Variants in WDFY4 observed in about 807,000 individuals in gnomAD.
The protein encoded by WDFY4 is WDFY family member 4.
A neutral mutation model predicts 351.9 loss-of-function variants in WDFY4; 169 were observed. That is an observed-to-expected ratio of 0.48 (90% CI 0.42 to 0.55). WDFY4 has a LOEUF of 0.55. Ranked by LOEUF, WDFY4 falls within the 20% of genes least tolerant of loss-of-function variation. WDFY4 has a pLI of 0.00. For missense variants in WDFY4, 3,803 were observed against 3,935.6 expected (o/e 0.97, Z 0.90); for synonymous variants, 1,622 against 1,574.6 (o/e 1.03, Z -0.71).
Position 48,873,488 on chromosome 10 carries a change from C to T in WDFY4, c.6742-3C>T. On this transcript the variant is annotated splice_polypyrimidine_tract_variant and splice_region_variant and intron_variant, in intron 40 of 61. Coordinates refer to ENST00000325239, the MANE Select transcript of WDFY4 (RefSeq NM_001394531.1). ...CCAGGGTGACTCTGTTTCTGCTCCCCAGAGGCGAAAATGTGGCAACATCAA... is the reference window on the plus strand; with the variant it reads ...CCAGGGTGACTCTGTTTCTGCTCCCTAGAGGCGAAAATGTGGCAACATCAA... The T allele has an allele frequency of 6.5e-7, 1 of 1,546,140 alleles. No individual in the cohort carries two copies.
chr10:48,793,288 G>T (rs755563900), intron 23 of WDFY4, among the ~76,000 whole-genome samples: 1 of 152,170 alleles, frequency 6.6e-6, no homozygotes, highest in Non-Finnish European at 1.5e-5. Flanking sequence ...TTTGAGTAAA[G>T]AACTCATCAG....
chr10:48,900,480 T>A (rs967105767), intron 46 of WDFY4, among the ~76,000 whole-genome samples, 174 bp downstream of exon 46: 4 of 152,152 alleles, frequency 2.6e-5, no homozygotes, highest in African/African-American at 7.2e-5. Flanking sequence ...CATGAAATGA[T>A]GTACAGGAAC....
intron 32 of WDFY4, among the ~76,000 whole-genome samples, chr10:48,817,954 G>T (rs1438443387): frequency 6.6e-6 from 1 of 152,240 alleles, no homozygotes; most frequent in East Asian, 1.9e-4. Context: ...CTGGGGGTTA[G>T]AGAAGGGGCT....
chr10:48,736,350 G>T, intron 11 of WDFY4: 1 of 598,028 alleles, frequency 1.7e-6, no homozygotes, highest in Non-Finnish European at 3.0e-6. Flanking sequence ...AGCAGACAAG[G>T]GAAGAGAGAC....
intron 5 of WDFY4, among the ~76,000 whole-genome samples, chr10:48,724,905 AG>A (rs2064215172): frequency 6.6e-6 from 1 of 152,296 alleles, no homozygotes; most frequent in African/African-American, 2.4e-5. Context: ...ATGTAGGTAA[AG>A]CCAAAGGTAT....
rs201302434 is a variant in WDFY4, at chr10:48,982,773, C to T, written c.*198C>T. On this transcript the variant is annotated 3_prime_UTR_variant, in exon 62 of 62. Transcript: ENST00000325239. Reference sequence around the variant, plus strand: ...ATGGGACTTCTATGAAAAGGATGAGCACACACACTCGGAGGGCTGAGCAGC... The same window carrying T: ...ATGGGACTTCTATGAAAAGGATGAGTACACACACTCGGAGGGCTGAGCAGC... 5.0e-4 allele frequency: 312 copies of T among 618,022 alleles called. 1 individual carries two copies. Among genetic ancestry groups the T allele is most frequent in the Middle Eastern group, 5.1e-4 (2 of 3,888 alleles). 38.3% of individuals were successfully genotyped at this position (618,022 alleles called of 1,614,324 possible).
intron 23 of WDFY4, among the ~76,000 whole-genome samples, chr10:48,795,381 T>A (rs932619612): frequency 6.6e-6 from 1 of 151,344 alleles, no homozygotes; most frequent in African/African-American, 2.4e-5. Context: ...CAGTTTGACA[T>A]TTGACACTGT....
intron 45 of WDFY4, 60 bp downstream of exon 45, chr10:48,897,634 T>G (rs1589831351): frequency 6.5e-7 from 1 of 1,526,908 alleles, no homozygotes; most frequent in African/African-American, 1.4e-5. Flanking sequence ...ATGGGACAGG[T>G]GGTCCAGGAG....
chr10:48,945,246 C>T (rs181456608), intron 49 of WDFY4, among the ~76,000 whole-genome samples: 58 of 152,148 alleles, frequency 3.8e-4, no homozygotes, highest in Non-Finnish European at 6.9e-4. Context: ...CATGGTGGCA[C>T]GCACCTGTAG....
At chr10:48,901,934 C>A in intron 47 of WDFY4, 71 bp downstream of exon 47, 1 of 1,402,424 alleles carries the variant, frequency 7.1e-7, no homozygotes, top group Non-Finnish European at 9.9e-7. Context: ...CTGCCTCATC[C>A]CACTCTAAAG....
chr10:48,835,283 A>C (rs1008371806), intron 39 of WDFY4, among the ~76,000 whole-genome samples: 5 of 152,112 alleles, frequency 3.3e-5, no homozygotes, highest in Admixed American at 6.6e-5. Flanking sequence ...GGGGCGAGAG[A>C]GGGGCTGGGC....
At chr10:48,707,498 G>A (rs1452356609) in intron 1 of WDFY4, among the ~76,000 whole-genome samples, 2 of 152,190 alleles carry the variant, frequency 1.3e-5, no homozygotes, top group Non-Finnish European at 2.9e-5. Context: ...GTGCTGGACT[G>A]AATGTTGTGG....
At chr10:48,941,719 C>G in intron 47 of WDFY4, 87 bp from the exon 48 acceptor site, 1 of 1,391,970 alleles carries the variant, frequency 7.2e-7, no homozygotes, top group Non-Finnish European at 1.0e-6. Flanking sequence ...ACCCTGGTCC[C>G]GTGAAGCCCA....
chr10:48,901,627 G>T (rs1837356778), intron 46 of WDFY4, among the ~76,000 whole-genome samples, 174 bp from the exon 47 acceptor site: 1 of 152,240 alleles, frequency 6.6e-6, no homozygotes, highest in Non-Finnish European at 1.5e-5. Flanking sequence ...GCCAGAGAGT[G>T]CTGAGGGTTG....
At chr10:48,764,567 C>G (rs1200233166) in intron 13 of WDFY4, among the ~76,000 whole-genome samples, 1 of 152,230 alleles carries the variant, frequency 6.6e-6, no homozygotes, top group Admixed American at 6.5e-5. Context: ...GAAGGACTTT[C>G]CAGTCCCAAA....
chr10:48,808,344 C>T (rs1184450086), intron 28 of WDFY4, among the ~76,000 whole-genome samples: 1 of 152,140 alleles, frequency 6.6e-6, no homozygotes, highest in Non-Finnish European at 1.5e-5. Context: ...AAAAGTCTTG[C>T]CAAATTCTTC....
At chr10:48,754,253 G>A (rs1334639395) in intron 12 of WDFY4, among the ~76,000 whole-genome samples, 1 of 125,378 alleles carries the variant, frequency 8.0e-6, no homozygotes, top group Non-Finnish European at 1.7e-5. Flanking sequence ...TTTCTGTATT[G>A]TCTTTGTGTG....
intron 47 of WDFY4, among the ~76,000 whole-genome samples, chr10:48,930,948 C>T (rs1488237501): frequency 6.6e-6 from 1 of 152,154 alleles, no homozygotes; most frequent in Non-Finnish European, 1.5e-5. Context: ...ATATCAGCAA[C>T]ACTGCTCTCT....
intron 2 of WDFY4, among the ~76,000 whole-genome samples, chr10:48,715,621 A>AT (rs1176199214): frequency 6.6e-6 from 1 of 151,880 alleles, no homozygotes; most frequent in Admixed American, 6.6e-5. Flanking sequence ...ACCAAGAATT[A>AT]TTTTTTTATT....
Sources: gnomAD v4.1 joint callset for allele counts (sites outside exome capture counted in the v4.1 genomes callset) on GRCh38, gnomAD v4.1.1 for gene constraint, MANE v1.5 for transcripts, NCBI Gene and HGNC (gene_info 2026-07-23, HGNC 2026-07-21) for gene names.